Variants in HPSE2 observed in about 807,000 individuals in gnomAD.
The protein encoded by HPSE2 is heparanase 2 (inactive).
In HPSE2, 38 loss-of-function variants were observed where a neutral mutation model predicts 60.5. The observed-to-expected ratio is 0.63, with a 90% CI of 0.48 to 0.82. HPSE2 has a LOEUF of 0.82. HPSE2 is among the 40% of genes least tolerant of loss of function. HPSE2 has a pLI of 0.00. For synonymous variants in HPSE2, 295 were observed against 293.2 expected, an observed-to-expected ratio of 1.01 and a Z score of -0.06; for missense variants, 713 against 740.4, an observed-to-expected ratio of 0.96 and a Z score of 0.43.
At chr10:98,568,399 T>C (rs2447301) in intron 9 of HPSE2, among the ~76,000 whole-genome samples, 147,050 of 152,214 alleles carry the variant, frequency 0.97, 71,239 homozygotes, top group East Asian at 1. Flanking sequence ...ACCAAGAAAG[T>C]CCCTAGGTCA....
intron 5 of HPSE2, among the ~76,000 whole-genome samples, chr10:98,718,713 T>G (rs1268166816): frequency 2.0e-5 from 3 of 152,086 alleles, no homozygotes; most frequent in African/African-American, 7.2e-5. Flanking sequence ...TATGTTCTCA[T>G]GCACATGTAG....
At chr10:99,281,745 C>G in the HPSE2 span, among the ~76,000 whole-genome samples, 1 of 151,906 alleles carries the variant, frequency 6.6e-6, no homozygotes, top group Admixed American at 6.6e-5. Context: ...GATTGTTAAG[C>G]AAGGAACAGA....
intron 8 of HPSE2, among the ~76,000 whole-genome samples, chr10:98,616,457 T>G (rs1290592873): frequency 4.6e-5 from 7 of 152,142 alleles, no homozygotes; most frequent in Admixed American, 3.9e-4. Flanking sequence ...AAATTACGCA[T>G]AGTTATGATT....
chr10:99,130,158 A>C (rs1845327642), intron 3 of HPSE2, among the ~76,000 whole-genome samples: 1 of 152,160 alleles, frequency 6.6e-6, no homozygotes, highest in African/African-American at 2.4e-5. Flanking sequence ...ACAAAAAAAA[A>C]AGTCCAGGAG....
At chr10:98,939,849 A>G (rs1371709406) in intron 3 of HPSE2, among the ~76,000 whole-genome samples, 1 of 143,996 alleles carries the variant, frequency 6.9e-6, no homozygotes, top group Non-Finnish European at 1.5e-5. Flanking sequence ...TCTCCTCAGC[A>G]AATGTAAAAG....
At chr10:98,923,136 C>T (rs548355645) in intron 3 of HPSE2, among the ~76,000 whole-genome samples, 34 of 152,130 alleles carry the variant, frequency 2.2e-4, no homozygotes, top group Non-Finnish European at 4.3e-4. Flanking sequence ...TTTATTTCTC[C>T]TTCAGGCTTA....
intron 2 of HPSE2, among the ~76,000 whole-genome samples, chr10:99,183,438 T>C (rs1199901748): frequency 6.6e-6 from 1 of 152,212 alleles, no homozygotes; most frequent in Non-Finnish European, 1.5e-5. Flanking sequence ...AGCTGGAAAC[T>C]TGTATTTGTT....
chr10:99,096,546 T>G (rs1175139173), intron 3 of HPSE2, among the ~76,000 whole-genome samples: 1 of 152,190 alleles, frequency 6.6e-6, no homozygotes, highest in African/African-American at 2.4e-5. Context: ...TCCCTCTATA[T>G]TGTCTATATT....
chr10:98,883,344 T>C (rs775299606), intron 3 of HPSE2, among the ~76,000 whole-genome samples: 1 of 152,174 alleles, frequency 6.6e-6, no homozygotes, highest in Non-Finnish European at 1.5e-5. Flanking sequence ...GCTTGAAAGA[T>C]AGTTAAAACC....
intron 9 of HPSE2, among the ~76,000 whole-genome samples, chr10:98,517,991 G>C (rs1201743460): frequency 2.0e-5 from 3 of 152,190 alleles, no homozygotes; most frequent in Admixed American, 1.3e-4. Context: ...AACAGTAAGG[G>C]AAAGCTTCCC....
intron 3 of HPSE2, among the ~76,000 whole-genome samples, chr10:99,132,183 AAGAAAGAAAG>A (rs1564832604): frequency 7.1e-4 from 15 of 21,102 alleles, no homozygotes; most frequent in Non-Finnish European, 1.6e-3. Context: ...GAAAGAAAGA[AAGAAAGAAAG>A]AGAGAGAGAG....
chr10:98,601,208 G>A (rs903307341), intron 9 of HPSE2, among the ~76,000 whole-genome samples: 4 of 151,880 alleles, frequency 2.6e-5, no homozygotes, highest in Admixed American at 6.6e-5. Flanking sequence ...TCCACATTAT[G>A]GAGGGTAATC....
Position 98,903,055 on chromosome 10 carries a change from GA to G in HPSE2, c.611-159000del, listed in dbSNP as rs1451785991. On this transcript the variant is annotated intron_variant, in intron 3 of 11. Coordinates refer to ENST00000370552, the MANE Select transcript of HPSE2 (RefSeq NM_021828.5). ...CATCAGCAGCAGAATTGATAAATAA[GA>G]TGTGATATAGTCATACAATGGAATA... Among the ~76,000 whole-genome samples, 11 of 152,206 alleles carry G rather than the reference GA, an allele frequency of 7.2e-5. No homozygotes were observed. The East Asian group carries it at 2.1e-3, about 29-fold the overall frequency.
intron 9 of HPSE2, among the ~76,000 whole-genome samples, chr10:98,559,321 C>T (rs1233695152): frequency 6.6e-6 from 1 of 152,154 alleles, no homozygotes; most frequent in Non-Finnish European, 1.5e-5. Context: ...AGCCGCTGCA[C>T]CCGGTCTTGT....
the HPSE2 span, among the ~76,000 whole-genome samples, chr10:99,258,437 C>T: frequency 6.6e-6 from 1 of 151,698 alleles, no homozygotes; most frequent in South Asian, 2.1e-4. Context: ...AATACTCAAT[C>T]TTGTTAAGAG....
intron 9 of HPSE2, among the ~76,000 whole-genome samples, chr10:98,562,809 A>C (rs1944230635): frequency 6.6e-6 from 1 of 151,880 alleles, no homozygotes; most frequent in African/African-American, 2.4e-5. Context: ...TTCTATGTAC[A>C]AATTTCTCTT....
At chr10:99,207,644 T>C (rs1310328465) in intron 2 of HPSE2, among the ~76,000 whole-genome samples, 2 of 152,182 alleles carry the variant, frequency 1.3e-5, no homozygotes, top group African/African-American at 4.8e-5. Context: ...AGATATAAAT[T>C]GTGACATCAT....
At chr10:99,185,432 A>G (rs1034614121) in intron 2 of HPSE2, among the ~76,000 whole-genome samples, 2 of 152,168 alleles carry the variant, frequency 1.3e-5, no homozygotes, top group African/African-American at 2.4e-5. Flanking sequence ...AAAACTGGAG[A>G]TGAAAAGAAA....
At chr10:98,469,895 T>C in intron 11 of HPSE2, among the ~76,000 whole-genome samples, 1 of 152,242 alleles carries the variant, frequency 6.6e-6, no homozygotes, top group East Asian at 1.9e-4. Context: ...GATTCCCAAG[T>C]CAGAATTCAT....
Sources: gnomAD v4.1 joint callset for allele counts (sites outside exome capture counted in the v4.1 genomes callset) on GRCh38, gnomAD v4.1.1 for gene constraint, MANE v1.5 for transcripts, NCBI Gene and HGNC (gene_info 2026-07-23, HGNC 2026-07-21) for gene names.